The following NR1D2 variants were observed in gnomAD, a reference collection of about 807,000 sequenced individuals.
The protein encoded by NR1D2 is V-erbA-related protein 1-related.
NR1D2 carries 25 observed loss-of-function variants against 52.2 expected under a neutral mutation model. The ratio of observed to expected loss-of-function variants is 0.48; its 90% CI spans 0.35 to 0.67. The LOEUF (loss-of-function observed/expected upper bound fraction) is 0.67, where lower values mean the gene tolerates loss of function less well. NR1D2 is among the 30% of genes least tolerant of loss of function. The pLI is 0.01. For missense variants in NR1D2, 681 were observed against 707.2 expected, an observed-to-expected ratio of 0.96 and a Z score of 0.42; for synonymous variants, 259 against 230.1, an observed-to-expected ratio of 1.13 and a Z score of -1.14.
At chr3:23,972,165 T>G (rs1706607120) in intron 7 of NR1D2, among the ~76,000 whole-genome samples, 1 of 152,222 alleles carries the variant, frequency 6.6e-6, no homozygotes, top group Non-Finnish European at 1.5e-5. Context: ...AATTTCTATA[T>G]CTCATTATAT....
chr3:23,945,718 G>T (rs1705651426), intron 1 of NR1D2, 124 bp downstream of exon 1: 1 of 630,064 alleles, frequency 1.6e-6, no homozygotes, highest in Admixed American at 5.2e-5. Flanking sequence ...GCTGCTGCGC[G>T]CCGCGTGTCC....
chr3:23,970,873 C>T (rs1282673065), intron 7 of NR1D2, among the ~76,000 whole-genome samples: 1 of 151,990 alleles, frequency 6.6e-6, no homozygotes, highest in Non-Finnish European at 1.5e-5. Context: ...CCTCCCTCTC[C>T]TAGGTTCAAG....
intron 5 of NR1D2, chr3:23,963,242 C>G: frequency 7.4e-7 from 1 of 1,350,596 alleles, no homozygotes; most frequent in Non-Finnish European, 9.8e-7. Context: ...TCATATTCAG[C>G]CAAAATTTCA....
chr3:23,964,939 C>G, intron 5 of NR1D2, 38 bp from the exon 6 acceptor site: 1 of 1,382,308 alleles, frequency 7.2e-7, no homozygotes, highest in Non-Finnish European at 1.0e-6. Flanking sequence ...TTTACCACCT[C>G]TTAGTATTTA....
In NR1D2 at chr3:23,975,538, G is replaced by A. The variant is rs184577192; in HGVS notation, c.1544-1685G>A. ...TGTAATCCCAGCACTTTCGGAGGCC[G>A]AGGCGGGTGGATCACAAGGTCAGGA... On this transcript the variant is annotated intron_variant, in intron 7 of 7. Coordinates refer to ENST00000312521, the MANE Select transcript of NR1D2 (RefSeq NM_005126.5). 3.6e-3 allele frequency among the ~76,000 whole-genome samples: 541 copies of A among 152,270 alleles called. 13 individuals are homozygous for A. In the East Asian group the frequency reaches 0.05, roughly 14 times the overall value.
chr3:23,975,073 C>T (rs997935386), intron 7 of NR1D2, among the ~76,000 whole-genome samples: 1 of 151,942 alleles, frequency 6.6e-6, no homozygotes, highest in Non-Finnish European at 1.5e-5. Context: ...CCTGCCTTGG[C>T]CTCCCAAAGT....
chr3:23,945,998 TC>T (rs1442801484), intron 1 of NR1D2: 4 of 627,948 alleles, frequency 6.4e-6, no homozygotes, highest in South Asian at 6.8e-5. Flanking sequence ...TGACCCACAT[TC>T]CCCGGGGCCG....
chr3:23,972,688 G>C (rs1450442312), intron 7 of NR1D2, among the ~76,000 whole-genome samples: 3 of 152,196 alleles, frequency 2.0e-5, no homozygotes, highest in Non-Finnish European at 2.9e-5. Context: ...CAGCTAAGGA[G>C]AGAGAAGATA....
chr3:23,953,076 C>CGA (rs1457789280), intron 1 of NR1D2, among the ~76,000 whole-genome samples: 1 of 151,672 alleles, frequency 6.6e-6, no homozygotes, highest in Non-Finnish European at 1.5e-5. Flanking sequence ...CGGTGGCTCA[C>CGA]ACCTGTAATC....
At chr3:23,955,431 G>A (rs919504707) in intron 2 of NR1D2, among the ~76,000 whole-genome samples, 32 of 151,800 alleles carry the variant, frequency 2.1e-4, no homozygotes, top group Admixed American at 6.6e-4. Context: ...GACAGGTCTG[G>A]AAAAAAAATA....
At position 23,967,692 on chromosome 3, in the gene NR1D2, T is replaced by TTTTCTTTTATAAC. The variant is rs563500560; in HGVS notation, c.1333-109_1333-97dup. 5.1e-3 allele frequency: 3,658 copies of TTTTCTTTTATAAC among 714,630 alleles called. 24 individuals carry two copies. Among genetic ancestry groups the TTTTCTTTTATAAC allele is most frequent in the Non-Finnish European group, 6.6e-3 (2,902 of 440,980 alleles). The allele number at this position is 714,630 out of a possible 1,614,324, so 44.3% of individuals were successfully genotyped here. Reference sequence around the variant, plus strand: ...GGTTTTGAGTAAAAGTATACCCTGTTTTTCTTTTATAACTTTCTTTTATAT... The same window carrying TTTTCTTTTATAAC: ...GGTTTTGAGTAAAAGTATACCCTGTTTTTCTTTTATAACTTTCTTTTATAACTTTCTTTTATAT... On this transcript the variant is annotated intron_variant, in intron 6 of 7. Transcript: ENST00000312521.
chr3:23,955,898 AT>A (rs1451416861), intron 2 of NR1D2, 138 bp from the exon 3 acceptor site: 6 of 578,076 alleles, frequency 1.0e-5, no homozygotes, highest in Non-Finnish European at 1.9e-5. Context: ...ATTTGAAAAT[AT>A]TTTTCTTTTA....
rs774445591 is a variant in NR1D2, at chr3:23,962,687, TGGG to T, written c.1146+86_1146+88del. 108 of 1,326,378 alleles carry T rather than the reference TGGG, an allele frequency of 8.1e-5. No homozygotes were observed. The African/African-American group carries it at 9.1e-4, about 11-fold the overall frequency. 82.2% of individuals were successfully genotyped at this position (1,326,378 alleles called of 1,614,324 possible). ...CTTTTATTCGGGAGATATGCTAACT[TGGG>T]GGGATGGTGTCAGGAAACCTAAGAA... On this transcript the variant is annotated intron_variant, in intron 5 of 7. Transcript: ENST00000312521.
Position 23,947,799 on chromosome 3 carries a change from C to T in NR1D2, c.16+2205C>T, listed in dbSNP as rs550453774. On this transcript the variant is annotated intron_variant, in intron 1 of 7. Transcript: ENST00000312521. ...CATGTTTACAGTTTCTGCTATCTAT[C>T]AGTAAGCAGGAGGTCTAATAAGAAT... 7.2e-5 allele frequency among the ~76,000 whole-genome samples: 11 copies of T among 152,178 alleles called. No individual in the cohort carries two copies. The South Asian group carries it at 1.9e-3, about 26-fold the overall frequency.
intron 7 of NR1D2, 27 bp downstream of exon 7, chr3:23,968,050 C>A (rs753226878): frequency 2.5e-6 from 4 of 1,585,524 alleles, no homozygotes; most frequent in South Asian, 1.1e-5. Flanking sequence ...AAAATTGTGC[C>A]ACACCTAGCA....
At position 23,976,948 on chromosome 3, in the gene NR1D2, G is replaced by T. The variant is rs545428857; in HGVS notation, c.1544-275G>T. 5.9e-5 allele frequency among the ~76,000 whole-genome samples: 9 copies of T among 152,228 alleles called. No homozygotes were observed. In the East Asian group the frequency reaches 1.7e-3, roughly 29 times the overall value. ...ATCAGATGACATCTAATTTTAAAAA[G>T]TCAGAACCTCTATGTTCTTGTGAAT... On this transcript the variant is annotated intron_variant, in intron 7 of 7. Transcript: ENST00000312521.
chr3:23,959,486 C>T (rs867445553), intron 3 of NR1D2, among the ~76,000 whole-genome samples, 185 bp from the exon 4 acceptor site: 1 of 152,046 alleles, frequency 6.6e-6, no homozygotes, highest in African/African-American at 2.4e-5. Context: ...CAATAAGAAT[C>T]GAAATTAAAT....
At chr3:23,948,118 CAAAA>C (rs58380767) in intron 1 of NR1D2, among the ~76,000 whole-genome samples, 3 of 135,256 alleles carry the variant, frequency 2.2e-5, no homozygotes, top group East Asian at 2.2e-4. Flanking sequence ...ACTCCCATCT[CAAAA>C]AAAAAAAAAA....
intron 1 of NR1D2, chr3:23,946,268 C>T (rs1263922839): frequency 2.0e-6 from 2 of 985,486 alleles, no homozygotes; most frequent in Non-Finnish European, 2.4e-6. Flanking sequence ...CCCCAAGGCG[C>T]GGACCCCGCG....
Sources: allele counts gnomAD v4.1 joint callset (sites outside exome capture counted in the v4.1 genomes callset), GRCh38; gene constraint gnomAD v4.1.1; transcripts MANE v1.5; gene names NCBI Gene and HGNC (gene_info 2026-07-23, HGNC 2026-07-21).